Variants in RALYL observed in about 807,000 individuals in gnomAD.
The protein encoded by RALYL is RNA-binding Raly-like protein.
In RALYL, 29 loss-of-function variants were observed where a neutral mutation model predicts 35.1. The observed-to-expected ratio is 0.83, with a 90% CI of 0.61 to 1.13. RALYL has a LOEUF of 1.13. RALYL is among the 50% of genes most tolerant of loss of function. The probability of loss-of-function intolerance (pLI) is 0.00; values close to 1 mark genes in which losing one functional copy is unlikely to be tolerated. For missense variants in RALYL, 359 were observed against 360.4 expected (o/e 1.00, Z 0.03); for synonymous variants, 120 against 127.6 (o/e 0.94, Z 0.40).
intron 1 of RALYL, among the ~76,000 whole-genome samples, chr8:84,441,280 G>A (rs561283711): frequency 1.3e-3 from 197 of 152,128 alleles, no homozygotes; most frequent in Non-Finnish European, 2.3e-3. Flanking sequence ...GATCTCTACA[G>A]ATTCAAAAGT....
At chr8:84,724,518 A>G (rs755846305) in intron 2 of RALYL, among the ~76,000 whole-genome samples, 8 of 151,812 alleles carry the variant, frequency 5.3e-5, no homozygotes, top group Non-Finnish European at 8.9e-5. Context: ...TAAAAGTACC[A>G]TCTTTGACAT....
intron 1 of RALYL, among the ~76,000 whole-genome samples, chr8:84,314,282 G>T (rs929676200): frequency 6.6e-6 from 1 of 151,690 alleles, no homozygotes; most frequent in African/African-American, 2.4e-5. Flanking sequence ...ATGAGATTTG[G>T]GTGGAGATAC....
At chr8:84,500,703 A>G (rs1485034159) in intron 1 of RALYL, among the ~76,000 whole-genome samples, 1 of 152,194 alleles carries the variant, frequency 6.6e-6, no homozygotes, top group East Asian at 1.9e-4. Flanking sequence ...GGGACATTTT[A>G]CAAGACTGTG....
chr8:84,185,059 T>G, intron 1 of RALYL: 1 of 1,599,870 alleles, frequency 6.3e-7, no homozygotes, highest in South Asian at 1.1e-5. Context: ...GGGCTTTGCT[T>G]TCTTAGGGAT....
At chr8:84,461,993 T>TA (rs989739957) in intron 1 of RALYL, among the ~76,000 whole-genome samples, 2 of 151,798 alleles carry the variant, frequency 1.3e-5, no homozygotes, top group Non-Finnish European at 3.0e-5. Context: ...GACATGTATC[T>TA]ACCATTACAG....
chr8:84,622,707 A>C (rs1203119851), intron 2 of RALYL, among the ~76,000 whole-genome samples: 1 of 152,218 alleles, frequency 6.6e-6, no homozygotes, highest in Non-Finnish European at 1.5e-5. Context: ...GCTGGCATCA[A>C]TGAGGTAAGG....
chr8:84,620,609 C>G (rs1821117504), intron 2 of RALYL, among the ~76,000 whole-genome samples: 1 of 152,198 alleles, frequency 6.6e-6, no homozygotes, highest in South Asian at 2.1e-4. Context: ...AAGTCATTCT[C>G]CATCCAGTTT....
chr8:84,541,468 G>A (rs1202125844), intron 2 of RALYL, among the ~76,000 whole-genome samples: 1 of 151,828 alleles, frequency 6.6e-6, no homozygotes, highest in Non-Finnish European at 1.5e-5. Flanking sequence ...AATTCAATGA[G>A]AACTTTTAAA....
intron 2 of RALYL, among the ~76,000 whole-genome samples, chr8:84,697,715 T>C (rs1839416635): frequency 6.6e-6 from 1 of 152,006 alleles, no homozygotes; most frequent in South Asian, 2.1e-4. Context: ...CTATTAGTTA[T>C]TTTTTCTGAT....
chr8:84,680,175 T>G (rs7836514), intron 2 of RALYL, among the ~76,000 whole-genome samples: 1 of 152,200 alleles, frequency 6.6e-6, no homozygotes, highest in African/African-American at 2.4e-5. Flanking sequence ...ACAAAGGTCA[T>G]GAACTCATCT....
intron 4 of RALYL, among the ~76,000 whole-genome samples, chr8:84,825,240 G>A (rs1829412850): frequency 1.3e-5 from 2 of 151,946 alleles, no homozygotes; most frequent in Admixed American, 1.3e-4. Context: ...AAACATATGA[G>A]TAAATGGTCA....
intron 1 of RALYL, among the ~76,000 whole-genome samples, chr8:84,488,752 T>C (rs2054922305): frequency 6.6e-6 from 1 of 152,022 alleles, no homozygotes; most frequent in Non-Finnish European, 1.5e-5. Flanking sequence ...ATTTTCAAAG[T>C]AATACTGGGC....
chr8:84,220,438 T>G (rs565882049), intron 1 of RALYL, among the ~76,000 whole-genome samples: 1 of 152,138 alleles, frequency 6.6e-6, no homozygotes, highest in Non-Finnish European at 1.5e-5. Flanking sequence ...GCAGATAATA[T>G]TCTTGTCCAG....
chr8:84,737,182 T>C (rs1274925415), intron 2 of RALYL, among the ~76,000 whole-genome samples: 3 of 152,204 alleles, frequency 2.0e-5, no homozygotes, highest in Non-Finnish European at 2.9e-5. Context: ...ACCACACTTT[T>C]ATGCAGAAAT....
chr8:84,402,042 CACAAGCTTGAAT>C (rs2042972825), intron 1 of RALYL, among the ~76,000 whole-genome samples: 1 of 152,112 alleles, frequency 6.6e-6, no homozygotes. Context: ...ATCTCTTGAA[CACAAGCTTGAAT>C]AATCTCCAAA....
rs570774100 is a variant in RALYL, at chr8:84,919,059, C to A, written c.859-1835C>A. 7.4e-3 allele frequency among the ~76,000 whole-genome samples: 1,126 copies of A among 152,054 alleles called. 8 individuals carry two copies. The highest frequency in any genetic ancestry group is 0.026 in the African/African-American group (1,077 of 41,522). ...GCTAAACAGTCATTACCTCTTTTGA[C>A]ACATGCAGGATGGTGTAAGAATGTA... On this transcript the variant is annotated intron_variant, in intron 8 of 8. Coordinates refer to ENST00000521268, the MANE Select transcript of RALYL (RefSeq NM_173848.7).
chr8:84,466,726 T>C (rs958124436), intron 1 of RALYL, among the ~76,000 whole-genome samples: 1 of 152,018 alleles, frequency 6.6e-6, no homozygotes, highest in Non-Finnish European at 1.5e-5. Context: ...TGGTACCAGT[T>C]CCTCCTTGTA....
chr8:84,466,793 G>C (rs1231225124), intron 1 of RALYL, among the ~76,000 whole-genome samples: 3 of 151,626 alleles, frequency 2.0e-5, no homozygotes, highest in African/African-American at 7.3e-5. Context: ...TGGTTGGTAA[G>C]CTATTGATTA....
At chr8:84,446,931 T>G (rs2048919018) in intron 1 of RALYL, among the ~76,000 whole-genome samples, 1 of 152,072 alleles carries the variant, frequency 6.6e-6, no homozygotes, top group Admixed American at 6.6e-5. Context: ...TAAAAATTGT[T>G]AATATTTTTT....
Sources: gnomAD v4.1 joint callset for allele counts (sites outside exome capture counted in the v4.1 genomes callset) on GRCh38, gnomAD v4.1.1 for gene constraint, MANE v1.5 for transcripts, NCBI Gene and HGNC (gene_info 2026-07-23, HGNC 2026-07-21) for gene names.